FGGY: variants seen among roughly 807,000 people sequenced by gnomAD.
FGGY encodes FGGY carbohydrate kinase domain containing.
Under a neutral mutation model 71.3 loss-of-function variants are expected in FGGY, and 72 were observed. That is an observed-to-expected ratio of 1.01 (90% confidence interval 0.84 to 1.23). The LOEUF is 1.23. Ranked by LOEUF, FGGY falls within the 50% of genes most tolerant of loss-of-function variation. The pLI is 0.00. For synonymous variants in FGGY, 251 were observed against 250.3 expected (o/e 1.00, Z -0.02); for missense variants, 668 against 682.3 (o/e 0.98, Z 0.23).
chr1:59,686,991 C>G (rs1387563085), intron 14 of FGGY, among the ~76,000 whole-genome samples: 1 of 152,198 alleles, frequency 6.6e-6, no homozygotes, highest in Non-Finnish European at 1.5e-5. Context: ...TTACTATTAG[C>G]TGACTATAAG....
At chr1:59,330,124 A>C (rs1249575118) in intron 2 of FGGY, among the ~76,000 whole-genome samples, 1 of 152,252 alleles carries the variant, frequency 6.6e-6, no homozygotes, top group Non-Finnish European at 1.5e-5. Context: ...CAAATAATAA[A>C]ATCATTCTAT....
chr1:59,740,289 A>T (rs1385282267), intron 14 of FGGY, among the ~76,000 whole-genome samples: 2 of 152,256 alleles, frequency 1.3e-5, no homozygotes, highest in African/African-American at 4.8e-5. Context: ...GACTATTATC[A>T]AACTTTGCCA....
At position 59,619,025 on chromosome 1, in the gene FGGY, A is replaced by T. The variant is rs900576563; in HGVS notation, c.1012-6963A>T. On this transcript the variant is annotated intron_variant, in intron 9 of 15. Transcript: ENST00000303721. ...ACCTGGATTGCTACACAACTTCCTA[A>T]TTGGCTTCTTGCCTGTAATCTTTCC... Among the ~76,000 whole-genome samples the T allele has an allele frequency of 3.0e-4, 46 of 152,058 alleles. 1 individual carries two copies. Among genetic ancestry groups the T allele is most frequent in the Admixed American group, 2.8e-3 (43 of 15,252 alleles).
At chr1:59,520,992 G>A (rs1244735226) in intron 7 of FGGY, among the ~76,000 whole-genome samples, 2 of 131,556 alleles carry the variant, frequency 1.5e-5, no homozygotes, top group Non-Finnish European at 3.1e-5. Context: ...AAATGAGAGA[G>A]AATATGGATC....
intron 1 of FGGY, among the ~76,000 whole-genome samples, chr1:59,303,090 T>C (rs2043009671): frequency 6.6e-6 from 1 of 152,248 alleles, no homozygotes. Context: ...ACAATCAAGC[T>C]AATTATATCC....
chr1:59,613,610 A>C (rs537407152), intron 9 of FGGY, among the ~76,000 whole-genome samples: 1 of 152,336 alleles, frequency 6.6e-6, no homozygotes, highest in South Asian at 2.1e-4. Context: ...AAGCAAACAC[A>C]TTCAAAAGCT....
At chr1:59,337,876 C>T (rs767079345) in intron 2 of FGGY, among the ~76,000 whole-genome samples, 5 of 152,132 alleles carry the variant, frequency 3.3e-5, no homozygotes, top group Non-Finnish European at 7.4e-5. Flanking sequence ...ATTGCAATGG[C>T]TAGAAGCTCA....
At chr1:59,565,915 G>C (rs2095866281) in intron 8 of FGGY, among the ~76,000 whole-genome samples, 1 of 152,170 alleles carries the variant, frequency 6.6e-6, no homozygotes, top group African/African-American at 2.4e-5. Flanking sequence ...TGGGAAGAGA[G>C]TATTTATGAG....
At chr1:59,467,964 C>A (rs2092733612) in intron 6 of FGGY, among the ~76,000 whole-genome samples, 1 of 151,584 alleles carries the variant, frequency 6.6e-6, no homozygotes, top group African/African-American at 2.4e-5. Context: ...AATGCAAGGG[C>A]ATAGTCTCGG....
intron 6 of FGGY, among the ~76,000 whole-genome samples, chr1:59,506,915 A>G (rs1191125103): frequency 6.6e-6 from 1 of 152,122 alleles, no homozygotes; most frequent in African/African-American, 2.4e-5. Context: ...TATTTTCTGT[A>G]TTTTTTTCCC....
At chr1:59,315,414 A>G (rs1483423053) in intron 1 of FGGY, among the ~76,000 whole-genome samples, 2 of 73,678 alleles carry the variant, frequency 2.7e-5, no homozygotes, top group East Asian at 6.9e-4. Flanking sequence ...TCCTTCCCCC[A>G]CTTCTTTCCC....
chr1:59,334,490 G>C (rs1010908695), intron 2 of FGGY, among the ~76,000 whole-genome samples: 1 of 152,112 alleles, frequency 6.6e-6, no homozygotes, highest in African/African-American at 2.4e-5. Context: ...TTCTTTTGGA[G>C]GGCTTTGTAA....
At chr1:59,653,094 G>C in intron 11 of FGGY, among the ~76,000 whole-genome samples, 1 of 152,216 alleles carries the variant, frequency 6.6e-6, no homozygotes, top group Non-Finnish European at 1.5e-5. Context: ...CCCACTTGAG[G>C]AGGCAGTCTG....
chr1:59,339,318 A>G (rs1350334005), intron 2 of FGGY, among the ~76,000 whole-genome samples: 2 of 152,150 alleles, frequency 1.3e-5, no homozygotes, highest in Non-Finnish European at 2.9e-5. Flanking sequence ...ATTTTTGCCA[A>G]TATGAAAAGC....
intron 7 of FGGY, among the ~76,000 whole-genome samples, chr1:59,521,305 G>A (rs897663455): frequency 1.9e-4 from 29 of 152,144 alleles, no homozygotes; most frequent in African/African-American, 6.0e-4. Context: ...GAGAGCATAC[G>A]TGGGGGGAAG....
intron 4 of FGGY, among the ~76,000 whole-genome samples, chr1:59,347,361 C>T: frequency 6.7e-6 from 1 of 150,110 alleles, no homozygotes; most frequent in East Asian, 2.0e-4. Flanking sequence ...GTTTTTTGTC[C>T]TTGTGATAGT....
chr1:59,728,570 A>G (rs548770341), intron 14 of FGGY, among the ~76,000 whole-genome samples: 69 of 151,940 alleles, frequency 4.5e-4, no homozygotes, highest in Non-Finnish European at 9.1e-4. Flanking sequence ...AACATTTTTT[A>G]TAATGTAGAT....
intron 14 of FGGY, among the ~76,000 whole-genome samples, chr1:59,694,288 T>C (rs886473913): frequency 4.0e-5 from 2 of 50,006 alleles, no homozygotes; most frequent in Admixed American, 4.2e-4. Flanking sequence ...GACTCCGTCT[T>C]AAATAAATAA....
At chr1:59,731,272 A>G (rs1199975549) in intron 14 of FGGY, among the ~76,000 whole-genome samples, 6 of 152,248 alleles carry the variant, frequency 3.9e-5, no homozygotes, top group African/African-American at 1.4e-4. Context: ...GAAGGCGGGA[A>G]AGAAAAATAA....
Sources: allele counts gnomAD v4.1 joint callset (sites outside exome capture counted in the v4.1 genomes callset), GRCh38; gene constraint gnomAD v4.1.1; transcripts MANE v1.5; gene names NCBI Gene and HGNC (gene_info 2026-07-23, HGNC 2026-07-21).